DOCK10: variants seen among roughly 807,000 people sequenced by gnomAD.
The protein encoded by DOCK10 is dedicator of cytokinesis protein 10.
In DOCK10, 145 loss-of-function variants were observed where a neutral mutation model predicts 280.1. The ratio of observed to expected loss-of-function variants is 0.52; its 90% CI spans 0.45 to 0.59. The LOEUF (loss-of-function observed/expected upper bound fraction) is 0.59, where lower values mean the gene tolerates loss of function less well. Among genes scored for constraint, DOCK10 ranks in the 20% least tolerant of loss-of-function variants. The pLI is 0.00. For synonymous variants in DOCK10, 915 were observed against 942.2 expected (o/e 0.97, Z 0.53); for missense variants, 2,368 against 2,651.7 (o/e 0.89, Z 2.35).
chr2:224,866,036 A>G (rs190396963), intron 11 of DOCK10, among the ~76,000 whole-genome samples: 1 of 152,204 alleles, frequency 6.6e-6, no homozygotes, highest in African/African-American at 2.4e-5. Context: ...CTGCCTAATC[A>G]CCGTGCAGCC....
rs1553634955 is a variant in DOCK10 at position 225,035,572 on chromosome 2, A to ATATATAT, written c.123+6673_123+6679dup. On this transcript the variant is annotated intron_variant, in intron 1 of 55. Transcript: ENST00000258390. ...TATATATATATATATATATATATAT[A>ATATATAT]TATATATATATATATAACACTGAAT... Among the ~76,000 whole-genome samples, 568 of 69,936 alleles carry ATATATAT rather than the reference A, an allele frequency of 8.1e-3. 43 individuals are homozygous for ATATATAT. The highest frequency in any genetic ancestry group is 0.031 in the East Asian group (70 of 2,230). 45.9% of individuals were successfully genotyped at this position (69,936 alleles called of 152,430 possible).
intron 2 of DOCK10, among the ~76,000 whole-genome samples, chr2:224,920,879 T>C (rs1701665127): frequency 6.6e-6 from 1 of 151,056 alleles, no homozygotes; most frequent in African/African-American, 2.4e-5. Flanking sequence ...CTCCATCATA[T>C]TTTGCATGTG....
rs1691739517 is a variant in DOCK10 at position 224,786,518 on chromosome 2, A to G, written c.5655+504T>C. On this transcript the variant is annotated intron_variant, in intron 50 of 55. Coordinates refer to ENST00000258390, the MANE Select transcript of DOCK10 (RefSeq NM_014689.3). The surrounding 1 kb of genome is among the most constrained non-coding windows in gnomAD (Gnocchi z 4.7). ...TTGAAATTACATTGACTTGCAATAT[A>G]GGAAACAAAATAACCATCTGGTATT... is the stretch of plus-strand genomic sequence containing the variant. Among the ~76,000 whole-genome samples, 1 of 152,234 alleles carries G rather than the reference A, an allele frequency of 6.6e-6. No homozygotes were observed. Among genetic ancestry groups the G allele is most frequent in the Non-Finnish European group, 1.5e-5 (1 of 68,042 alleles).
chr2:224,797,595 T>C (rs1692669935), intron 42 of DOCK10, among the ~76,000 whole-genome samples: 1 of 152,190 alleles, frequency 6.6e-6, no homozygotes, highest in African/African-American at 2.4e-5. Context: ...ACTCAAAGAA[T>C]TGGTGACCAG....
At chr2:224,992,773 G>T (rs1706163397) in intron 1 of DOCK10, among the ~76,000 whole-genome samples, 1 of 152,188 alleles carries the variant, frequency 6.6e-6, no homozygotes, top group Admixed American at 6.5e-5. Flanking sequence ...GACAAGTCTT[G>T]TCATCTCTTT....
intron 1 of DOCK10, among the ~76,000 whole-genome samples, chr2:225,028,798 C>T (rs1312695015): frequency 6.6e-6 from 1 of 152,172 alleles, no homozygotes; most frequent in Non-Finnish European, 1.5e-5. Context: ...ACATTTTCAA[C>T]TGGCTGCCAA....
chr2:224,845,654 G>T lies in DOCK10; in HGVS notation c.2236-12C>A, dbSNP rs759497820. ...AGCTCAATTTTCACCTGCAACGAAA[G>T]AAACCATAGTTGGACTGAGATTAAA... On this transcript the variant is annotated splice_polypyrimidine_tract_variant and intron_variant, in intron 19 of 55. Transcript: ENST00000258390. The T allele has an allele frequency of 5.0e-6, 8 of 1,605,786 alleles. No individual in the cohort carries two copies. The highest frequency in any genetic ancestry group is 6.8e-6 in the Non-Finnish European group (8 of 1,176,820).
chr2:225,035,224 G>T (rs951694868), intron 1 of DOCK10, among the ~76,000 whole-genome samples: 5 of 151,996 alleles, frequency 3.3e-5, no homozygotes, highest in African/African-American at 1.2e-4. Flanking sequence ...GTGCATAATG[G>T]AACTCCAACA....
intron 1 of DOCK10, among the ~76,000 whole-genome samples, chr2:224,954,029 T>C (rs191542149): frequency 1.6e-4 from 25 of 152,288 alleles, no homozygotes; most frequent in Admixed American, 1.2e-3. Context: ...TAAAATTATC[T>C]TGATTGCATT....
intron 3 of DOCK10, among the ~76,000 whole-genome samples, chr2:224,900,588 C>T (rs1011529564): frequency 6.6e-6 from 1 of 152,192 alleles, no homozygotes; most frequent in Non-Finnish European, 1.5e-5. Flanking sequence ...TGTAATATTT[C>T]TGTTTCTGTT....
intron 55 of DOCK10, chr2:224,768,760 T>TA (rs1690221209): frequency 3.4e-6 from 1 of 292,416 alleles, no homozygotes; most frequent in Admixed American, 4.7e-5. Context: ...AATAAAAACT[T>TA]AGAGAGCACT....
chr2:224,891,009 T>C (rs574438578), intron 4 of DOCK10, among the ~76,000 whole-genome samples: 2 of 152,314 alleles, frequency 1.3e-5, no homozygotes, highest in Non-Finnish European at 2.9e-5. Flanking sequence ...TGTGTCAATG[T>C]TTTAAATTCC....
chr2:224,929,817 C>T (rs1236530768), intron 2 of DOCK10, among the ~76,000 whole-genome samples: 6 of 152,078 alleles, frequency 3.9e-5, no homozygotes, highest in Non-Finnish European at 8.8e-5. Flanking sequence ...GCTGGGAGGC[C>T]TTGAAGTAGC....
intron 19 of DOCK10, among the ~76,000 whole-genome samples, chr2:224,846,993 G>A (rs140799331): frequency 6.6e-6 from 1 of 152,260 alleles, no homozygotes; most frequent in African/African-American, 2.4e-5. Flanking sequence ...CTTCGGCATG[G>A]AATTGATCTC....
intron 50 of DOCK10, among the ~76,000 whole-genome samples, chr2:224,778,991 A>G (rs925535458): frequency 6.6e-6 from 1 of 152,188 alleles, no homozygotes; most frequent in Non-Finnish European, 1.5e-5. Flanking sequence ...AATAGCAATC[A>G]TATCATCATT....
At chr2:224,950,242 C>T (rs1703652755) in intron 1 of DOCK10, among the ~76,000 whole-genome samples, 1 of 152,064 alleles carries the variant, frequency 6.6e-6, no homozygotes, top group Admixed American at 6.6e-5. Context: ...AGAAACATAA[C>T]CATACATTTC....
chr2:224,865,755 A>G (rs1184000542), intron 11 of DOCK10, among the ~76,000 whole-genome samples: 1 of 152,140 alleles, frequency 6.6e-6, no homozygotes, highest in African/African-American at 2.4e-5. Context: ...AATTTTGAAT[A>G]GAGAGAAAGG....
At chr2:224,918,867 TGA>T (rs1290255927) in intron 2 of DOCK10, among the ~76,000 whole-genome samples, 1 of 146,666 alleles carries the variant, frequency 6.8e-6, no homozygotes, top group Non-Finnish European at 1.5e-5. Flanking sequence ...GTGGCGTGTG[TGA>T]GTGTGTGTAT....
chr2:224,878,334 T>A (rs767431828), intron 7 of DOCK10, among the ~76,000 whole-genome samples: 1 of 152,236 alleles, frequency 6.6e-6, no homozygotes, highest in Non-Finnish European at 1.5e-5. Flanking sequence ...CCATTTCACA[T>A]GTAGTGAAAC....
Sources: gnomAD v4.1 joint callset for allele counts (sites outside exome capture counted in the v4.1 genomes callset) on GRCh38, gnomAD v4.1.1 for gene constraint, Gnocchi (gnomAD v3.1) non-coding constraint, MANE v1.5 for transcripts, NCBI Gene and HGNC (gene_info 2026-07-23, HGNC 2026-07-21) for gene names.